SLC6A15: variants seen among roughly 807,000 people sequenced by gnomAD.
SLC6A15 encodes the protein sodium-dependent neutral amino acid transporter B(0)AT2.
Under a neutral mutation model 68.5 loss-of-function variants are expected in SLC6A15, and 33 were observed. That is an observed-to-expected ratio of 0.48 (90% CI 0.37 to 0.64). SLC6A15 has a LOEUF of 0.64. Ranked by LOEUF, SLC6A15 falls within the 30% of genes least tolerant of loss-of-function variation. The pLI, the probability that SLC6A15 is intolerant of heterozygous loss-of-function variation, is 0.00. For synonymous variants in SLC6A15, 347 were observed against 301.0 expected (o/e 1.15, Z -1.58); for missense variants, 747 against 874.3 (o/e 0.85, Z 1.84).
chr12:84,903,941 T>C (rs958840215), intron 1 of SLC6A15, among the ~76,000 whole-genome samples: 2 of 152,172 alleles, frequency 1.3e-5, no homozygotes, highest in African/African-American at 2.4e-5. Flanking sequence ...ACTGAATATG[T>C]TTTATTTGTT....
At chr12:84,886,280 G>T in intron 2 of SLC6A15, among the ~76,000 whole-genome samples, 2 of 151,976 alleles carry the variant, frequency 1.3e-5, no homozygotes, top group East Asian at 3.9e-4. Context: ...AAATAATTAG[G>T]ATAAAATTAA....
intron 10 of SLC6A15, among the ~76,000 whole-genome samples, chr12:84,865,932 A>C (rs946896015): frequency 9.2e-5 from 14 of 152,156 alleles, no homozygotes; most frequent in African/African-American, 3.4e-4. Context: ...TAAGTTTTCA[A>C]CTCCTTTGGG....
Position 84,861,628 on chromosome 12 carries a change from C to T in SLC6A15, c.*4G>A, listed in dbSNP as rs774975323. 6.3e-7 allele frequency: 1 copy of T among 1,584,108 alleles called. No homozygotes were observed. The highest frequency in any genetic ancestry group is 8.6e-7 in the Non-Finnish European group (1 of 1,161,798). On this transcript the variant is annotated 3_prime_UTR_variant, in exon 12 of 12. Coordinates refer to ENST00000266682, the MANE Select transcript of SLC6A15 (RefSeq NM_182767.6). ...CAAATAAAACCCACTGACTTTTCCC[C>T]CAGCTACAAATCAGATTCTGGCATA...
At chr12:84,897,594 A>G (rs1872683305) in intron 1 of SLC6A15, among the ~76,000 whole-genome samples, 1 of 152,162 alleles carries the variant, frequency 6.6e-6, no homozygotes, top group Non-Finnish European at 1.5e-5. Context: ...AACACTTCTC[A>G]TAATATCTAT....
intron 1 of SLC6A15, among the ~76,000 whole-genome samples, chr12:84,896,245 C>T (rs1409856882): frequency 6.6e-6 from 1 of 152,016 alleles, no homozygotes; most frequent in East Asian, 1.9e-4. Flanking sequence ...CAGGAGTCAA[C>T]AAAATATTGC....
intron 8 of SLC6A15, among the ~76,000 whole-genome samples, chr12:84,871,900 C>T (rs2120571673): frequency 6.6e-6 from 1 of 152,194 alleles, no homozygotes; most frequent in African/African-American, 2.4e-5. Context: ...GGCCTGTAAT[C>T]ACAGCACTTT....
At position 84,863,556 on chromosome 12, in the gene SLC6A15, T is replaced by C. The variant is rs745850193; in HGVS notation, c.1701A>G (p.Arg567=). ...TATATTTCCACATATAGTAGTAATA[T>C]CTGCTGGGAGCAAAGCCCAGCATAT... ...LKDMLGFAPS[R]YYYYMWKYIS... Residue 567 remains arginine, a synonymous_variant, in exon 11 of 12, where the codon AGA becomes AGG. Coordinates refer to ENST00000266682, the MANE Select transcript of SLC6A15 (RefSeq NM_182767.6). The C allele has an allele frequency of 2.0e-5, 32 of 1,589,238 alleles. No homozygotes were observed. The highest frequency in any genetic ancestry group is 2.7e-5 in the Non-Finnish European group (32 of 1,171,820).
chr12:84,885,674 T>C, intron 3 of SLC6A15, 113 bp from the exon 4 acceptor site: 2 of 1,214,332 alleles, frequency 1.6e-6, no homozygotes, highest in Non-Finnish European at 2.3e-6. Flanking sequence ...ATTTTATTAT[T>C]TATTTGGGAC....
chr12:84,883,947 C>G lies in SLC6A15; in HGVS notation c.668G>C (p.Gly223Ala). Reference protein sequence around the residue: ...NISSSISESGGLNWKMTICLL... With the variant: ...NISSSISESGALNWKMTICLL... ...GCAGATGGTCATCTTCCAGTTTAAG[C>G]CCCCACTTTCAGAAATGGAACTTGA... Residue 223 changes from glycine (G) to alanine (A), a missense_variant, in exon 5 of 12, where the codon GGC becomes GCC. Gly to Ala is a moderately conservative substitution (Grantham distance 60). Coordinates refer to ENST00000266682, the MANE Select transcript of SLC6A15 (RefSeq NM_182767.6). 1 of 1,614,130 alleles carries G rather than the reference C, an allele frequency of 6.2e-7. No homozygotes were observed. Among genetic ancestry groups the G allele is most frequent in the Non-Finnish European group, 8.5e-7 (1 of 1,180,010 alleles).
chr12:84,879,430 A>T (rs1871718559), intron 5 of SLC6A15, among the ~76,000 whole-genome samples: 1 of 151,624 alleles, frequency 6.6e-6, no homozygotes, highest in Non-Finnish European at 1.5e-5. Context: ...GGTTCAAGTG[A>T]TTATTTTGCC....
At chr12:84,882,891 G>A in intron 5 of SLC6A15, 1 of 626,758 alleles carries the variant, frequency 1.6e-6, no homozygotes, top group Non-Finnish European at 2.0e-6. Flanking sequence ...CCTAATTCTT[G>A]TCAGAAACAT....
At chr12:84,877,100 T>G (rs2120599178) in intron 5 of SLC6A15, among the ~76,000 whole-genome samples, 1 of 152,338 alleles carries the variant, frequency 6.6e-6, no homozygotes, top group Non-Finnish European at 1.5e-5. Context: ...AAGATTTTAC[T>G]TTCCGCTTCA....
At chr12:84,883,730 C>T in intron 5 of SLC6A15, 129 bp downstream of exon 5, 3 of 1,598,950 alleles carry the variant, frequency 1.9e-6, no homozygotes, top group East Asian at 2.2e-5. Context: ...TCACTTTTCA[C>T]TAATATTTAA....
intron 5 of SLC6A15, among the ~76,000 whole-genome samples, chr12:84,879,812 G>T (rs1871737829): frequency 6.8e-6 from 1 of 147,384 alleles, no homozygotes; most frequent in Non-Finnish European, 1.6e-5. Context: ...GTTCCATGAG[G>T]ACAGACTGTG....
intron 1 of SLC6A15, among the ~76,000 whole-genome samples, chr12:84,894,664 A>C (rs185762059): frequency 0.013 from 1,966 of 152,238 alleles, 27 homozygotes; most frequent in Non-Finnish European, 0.021. Context: ...ACACACAAAA[A>C]TCAAAATAAA....
chr12:84,862,379 G>T (rs754357101), intron 11 of SLC6A15, among the ~76,000 whole-genome samples: 1 of 152,092 alleles, frequency 6.6e-6, no homozygotes, highest in African/African-American at 2.4e-5. Context: ...AATCAATGTC[G>T]CTCTTAGCCA....
chr12:84,895,158 A>G (rs1415984724), intron 1 of SLC6A15, among the ~76,000 whole-genome samples: 1 of 151,988 alleles, frequency 6.6e-6, no homozygotes, highest in East Asian at 1.9e-4. Flanking sequence ...AATATTCACA[A>G]TAACATGTAA....
chr12:84,910,014 C>G (rs565584526), intron 1 of SLC6A15, among the ~76,000 whole-genome samples: 22 of 152,206 alleles, frequency 1.4e-4, no homozygotes, highest in African/African-American at 4.6e-4. Context: ...CAGTAGGTGA[C>G]AAGGAAGGCA....
intron 1 of SLC6A15, among the ~76,000 whole-genome samples, chr12:84,907,623 A>C (rs1873228919): frequency 6.6e-6 from 1 of 152,168 alleles, no homozygotes; most frequent in Non-Finnish European, 1.5e-5. Flanking sequence ...AAATTGTACA[A>C]ACACTCTGGA....
Sources: gnomAD v4.1 joint callset for allele counts (sites outside exome capture counted in the v4.1 genomes callset) on GRCh38, gnomAD v4.1.1 for gene constraint, MANE v1.5 for transcripts, NCBI Gene and HGNC (gene_info 2026-07-23, HGNC 2026-07-21) for gene names.